The following RAP1GAP2 variants were observed in gnomAD, a reference collection of about 807,000 sequenced individuals.
The protein encoded by RAP1GAP2 is rap1 GTPase-activating protein 2.
A neutral mutation model predicts 95.0 loss-of-function variants in RAP1GAP2; 27 were observed. The ratio of observed to expected loss-of-function variants is 0.28; its 90% confidence interval spans 0.21 to 0.39. RAP1GAP2 has a LOEUF of 0.39. RAP1GAP2 is among the 10% of genes least tolerant of loss of function. The pLI is 1.00. For missense variants in RAP1GAP2, 771 were observed against 970.0 expected (o/e 0.79, Z 2.72); for synonymous variants, 373 against 380.9 (o/e 0.98, Z 0.24).
At chr17:2,822,104 C>T (rs2070330703) in intron 2 of RAP1GAP2, among the ~76,000 whole-genome samples, 1 of 152,130 alleles carries the variant, frequency 6.6e-6, no homozygotes, top group Admixed American at 6.6e-5. Context: ...GAACTGTCAC[C>T]TCCAGGGTTG....
At chr17:2,896,027 A>G (rs1049955649) in intron 2 of RAP1GAP2, among the ~76,000 whole-genome samples, 1 of 151,786 alleles carries the variant, frequency 6.6e-6, no homozygotes, top group African/African-American at 2.4e-5. Flanking sequence ...CCCGTAGGTC[A>G]CTGCTGGCCT....
chr17:2,963,594 C>T lies in RAP1GAP2; in HGVS notation c.279+132C>T, dbSNP rs2044445104. 5.6e-6 allele frequency: 7 copies of T among 1,239,346 alleles called. No individual in the cohort carries two copies. In the East Asian group the frequency reaches 1.6e-4, roughly 29 times the overall value. 76.8% of individuals were successfully genotyped at this position (1,239,346 alleles called of 1,614,324 possible). ...TTGGGCCTGGGACCTCTCTTCCTGT[C>T]TTTGCCTTTGTAACCTCAGCTTCTC... On this transcript the variant is annotated intron_variant, in intron 6 of 24. Transcript: ENST00000254695. This position sits in a 1 kb window ranked among gnomAD's most constrained non-coding sequence, Gnocchi z 4.8.
At chr17:2,874,739 C>T (rs1315595434) in intron 2 of RAP1GAP2, among the ~76,000 whole-genome samples, 1 of 152,090 alleles carries the variant, frequency 6.6e-6, no homozygotes, top group Admixed American at 6.6e-5. Flanking sequence ...CCCTTGAAAC[C>T]CCACGTTTAG....
chr17:2,871,710 A>C lies in RAP1GAP2; in HGVS notation c.81-33574A>C, dbSNP rs937215302. ...CCCATGGGCAGTACAGTTTGGCAGT[A>C]GCTGTCTCCATTATCCATGCTATCC... On this transcript the variant is annotated intron_variant, in intron 2 of 24. Coordinates refer to ENST00000254695, the MANE Select transcript of RAP1GAP2 (RefSeq NM_015085.5). This position sits in a 1 kb window ranked among gnomAD's most constrained non-coding sequence, Gnocchi z 5.0. 2.4e-4 allele frequency among the ~76,000 whole-genome samples: 36 copies of C among 152,186 alleles called. No homozygotes were observed. Among genetic ancestry groups the C allele is most frequent in the Non-Finnish European group, 1.5e-5 (1 of 68,024 alleles).
chr17:2,768,596 G>A (rs1208691067), intron 1 of RAP1GAP2, among the ~76,000 whole-genome samples: 1 of 151,750 alleles, frequency 6.6e-6, no homozygotes, highest in Non-Finnish European at 1.5e-5. Context: ...GGAGACTGAG[G>A]GAGGAGAATC....
chr17:2,790,229 C>T (rs1178022176), intron 1 of RAP1GAP2, among the ~76,000 whole-genome samples: 1 of 152,110 alleles, frequency 6.6e-6, no homozygotes, highest in South Asian at 2.1e-4. Flanking sequence ...TCTCCCGCCT[C>T]AGCCTCCCGA....
At chr17:2,991,910 G>A (rs1313597205) in intron 12 of RAP1GAP2, among the ~76,000 whole-genome samples, 1 of 150,684 alleles carries the variant, frequency 6.6e-6, no homozygotes, top group Non-Finnish European at 1.5e-5. Context: ...GACTACAGGC[G>A]CCCGCCAACA....
intron 2 of RAP1GAP2, among the ~76,000 whole-genome samples, chr17:2,814,943 G>A (rs931018445): frequency 1.3e-5 from 2 of 152,062 alleles, no homozygotes; most frequent in African/African-American, 4.8e-5. Context: ...CTACGAGCTC[G>A]GGAACGGGAC....
chr17:3,016,360 G>T (rs963168124), intron 17 of RAP1GAP2, among the ~76,000 whole-genome samples: 1 of 152,258 alleles, frequency 6.6e-6, no homozygotes, highest in East Asian at 1.9e-4. Flanking sequence ...GCGTCCCATG[G>T]AGGAGGAGGA....
In RAP1GAP2 at chr17:2,797,544, C is replaced by T. The variant is rs1423633062; in HGVS notation, c.44+973C>T. Among the ~76,000 whole-genome samples, 3 of 150,610 alleles carry T rather than the reference C, an allele frequency of 2.0e-5. No homozygotes were observed. Among genetic ancestry groups the T allele is most frequent in the Middle Eastern group, 3.2e-3 (1 of 314 alleles). ...AAATGGTGGACTAATGGGGGTGGCA[C>T]GAAGGGCGAGGGGGAGAGGGGCTGT... is the stretch of plus-strand genomic sequence containing the variant. On this transcript the variant is annotated intron_variant, in intron 1 of 24. Transcript: ENST00000254695. The surrounding 1 kb of genome is among the most constrained non-coding windows in gnomAD (Gnocchi z 5.6).
intron 2 of RAP1GAP2, among the ~76,000 whole-genome samples, chr17:2,820,598 C>T (rs2070243917): frequency 7.2e-6 from 1 of 138,364 alleles, no homozygotes; most frequent in Non-Finnish European, 1.5e-5. Context: ...CCAGCCTGGG[C>T]AGCAATGAGA....
chr17:2,805,603 C>T (rs112138427), intron 2 of RAP1GAP2, among the ~76,000 whole-genome samples: 14,237 of 151,988 alleles, frequency 0.094, 916 homozygotes, highest in Non-Finnish European at 0.14. Flanking sequence ...GAACTCCCGA[C>T]CTCAGGTGAT....
rs546562442 is a variant in RAP1GAP2 at position 2,867,603 on chromosome 17, G to C, written c.81-37681G>C. Among the ~76,000 whole-genome samples the C allele has an allele frequency of 1.3e-3, 203 of 152,298 alleles. 1 individual carries two copies. Among genetic ancestry groups the C allele is most frequent in the African/African-American group, 4.6e-3 (191 of 41,560 alleles). ...ACGCATCCCTGAACTTTGGCCAGAG[G>C]GGTGGGATACACTGATTCATGAAGT... On this transcript the variant is annotated intron_variant, in intron 2 of 24. Coordinates refer to ENST00000254695, the MANE Select transcript of RAP1GAP2 (RefSeq NM_015085.5). The surrounding 1 kb of genome is among the most constrained non-coding windows in gnomAD (Gnocchi z 4.5).
chr17:2,998,390 C>T lies in RAP1GAP2; in HGVS notation c.1200+14C>T. The T allele has an allele frequency of 1.2e-6, 2 of 1,612,694 alleles. No individual in the cohort carries two copies. On this transcript the variant is annotated intron_variant, in intron 14 of 24. Coordinates refer to ENST00000254695, the MANE Select transcript of RAP1GAP2 (RefSeq NM_015085.5). Reference sequence around the variant, plus strand: ...CCATCCTACAAGGTAAGGAGAACGCCTTGTTGGAGGGAGTGGTGGGCCTCG... The same window carrying T: ...CCATCCTACAAGGTAAGGAGAACGCTTTGTTGGAGGGAGTGGTGGGCCTCG...
In RAP1GAP2 at chr17:2,902,962, A is replaced by T. The variant is rs2151726070; in HGVS notation, c.81-2322A>T. 6.6e-6 allele frequency among the ~76,000 whole-genome samples: 1 copy of T among 152,280 alleles called. No individual in the cohort carries two copies. Among genetic ancestry groups the T allele is most frequent in the African/African-American group, 2.4e-5 (1 of 41,568 alleles). Reference sequence around the variant, plus strand: ...AAAAATAGACAGCATGACTGTGTGTATGAGCGTCCAGTGACCGGTGATGTT... The same window carrying T: ...AAAAATAGACAGCATGACTGTGTGTTTGAGCGTCCAGTGACCGGTGATGTT... On this transcript the variant is annotated intron_variant, in intron 2 of 24. Transcript: ENST00000254695. This position sits in a 1 kb window ranked among gnomAD's most constrained non-coding sequence, Gnocchi z 4.1.
rs1416801895 is a variant in RAP1GAP2, at chr17:2,855,501, A to G, written c.81-49783A>G. Among the ~76,000 whole-genome samples the G allele has an allele frequency of 6.6e-6, 1 of 152,178 alleles. No homozygotes were observed. The highest frequency in any genetic ancestry group is 1.5e-5 in the Non-Finnish European group (1 of 68,030). ...TTTTGTTTTTGTTTCATTTATTTTT[A>G]GGATTCTCTCCTGGTTAATGGCCAG... On this transcript the variant is annotated intron_variant, in intron 2 of 24. Coordinates refer to ENST00000254695, the MANE Select transcript of RAP1GAP2 (RefSeq NM_015085.5). The surrounding 1 kb of genome is among the most constrained non-coding windows in gnomAD (Gnocchi z 4.3).
chr17:2,875,712 G>A (rs1000004387), intron 2 of RAP1GAP2, among the ~76,000 whole-genome samples: 6 of 151,860 alleles, frequency 4.0e-5, no homozygotes, highest in East Asian at 1.9e-4. Flanking sequence ...GTTTCCCTCC[G>A]TCTCGCCGCC....
At chr17:2,800,814 T>C (rs2069256489) in intron 2 of RAP1GAP2, among the ~76,000 whole-genome samples, 1 of 150,994 alleles carries the variant, frequency 6.6e-6, no homozygotes, top group African/African-American at 2.4e-5. Context: ...TCAGTCCCAT[T>C]ATTCTTTTTT....
chr17:2,817,413 G>A (rs1347823995), intron 2 of RAP1GAP2, among the ~76,000 whole-genome samples: 3 of 122,030 alleles, frequency 2.5e-5, no homozygotes, highest in Admixed American at 1.6e-4. Context: ...TTGCTGTTGC[G>A]AATAATGCCA....
Sources: allele counts gnomAD v4.1 joint callset (sites outside exome capture counted in the v4.1 genomes callset), GRCh38; gene constraint gnomAD v4.1.1; non-coding constraint Gnocchi (gnomAD v3.1); transcripts MANE v1.5; gene names NCBI Gene and HGNC (gene_info 2026-07-23, HGNC 2026-07-21).